The following KLHDC4 variants were observed in gnomAD, a reference collection of about 807,000 sequenced individuals.
KLHDC4 encodes the protein kelch domain containing 4.
KLHDC4 carries 90 observed loss-of-function variants against 62.4 expected under a neutral mutation model. The ratio of observed to expected loss-of-function variants is 1.44; its 90% CI spans 1.22 to 1.72. The LOEUF (loss-of-function observed/expected upper bound fraction) is 1.72, where lower values mean the gene tolerates loss of function less well. Among genes scored for constraint, KLHDC4 ranks in the 40% most tolerant of loss-of-function variants. The probability of loss-of-function intolerance (pLI) is 0.00; values close to 1 mark genes in which losing one functional copy is unlikely to be tolerated. For missense variants in KLHDC4, 1,025 were observed against 699.7 expected, an observed-to-expected ratio of 1.47 and a Z score of -5.25; for synonymous variants, 386 against 284.4, an observed-to-expected ratio of 1.36 and a Z score of -3.59.
intron 5 of KLHDC4, among the ~76,000 whole-genome samples, chr16:87,744,899 GCAGT>G (rs1010709804): frequency 2.8e-4 from 42 of 152,214 alleles, no homozygotes; most frequent in African/African-American, 9.9e-4. Context: ...TCACACGCAT[GCAGT>G]CACACACATG....
intron 5 of KLHDC4, among the ~76,000 whole-genome samples, chr16:87,733,503 C>T (rs532819381): frequency 1.1e-4 from 17 of 152,326 alleles, no homozygotes; most frequent in African/African-American, 4.1e-4. Context: ...TCTCCTAGAG[C>T]CGCAGGCACC....
exon 1 of KLHDC4, chr16:87,699,193 T>C (rs1212092994): frequency 1.3e-5 from 2 of 152,280 alleles, no homozygotes. Flanking sequence ...TGGCCTGTTT[T>C]ACTTACCAGC....
chr16:87,742,952 C>G (rs971827106), intron 5 of KLHDC4: 1 of 152,258 alleles, frequency 6.6e-6, no homozygotes, highest in Non-Finnish European at 1.5e-5. Context: ...ACGACGAGCA[C>G]GGAGAACACT....
In KLHDC4 at chr16:87,756,389, T is replaced by C. The variant is rs202238962; in HGVS notation, c.270+10A>G. On this transcript the variant is annotated intron_variant, in intron 3 of 11. Transcript: ENST00000270583. ...AACATGGGAAGAAAAGAAAAAAATA[T>C]ATACTTTACTTTTTGGCCGTTGAAA... 11 of 1,594,266 alleles carry C rather than the reference T, an allele frequency of 6.9e-6. No individual in the cohort carries two copies. Among genetic ancestry groups the C allele is most frequent in the South Asian group, 5.5e-5 (5 of 90,596 alleles).
intron 7 of KLHDC4, among the ~76,000 whole-genome samples, chr16:87,725,928 AGCGTCCATGGT>A (rs1287984760): frequency 5.3e-5 from 8 of 152,266 alleles, no homozygotes; most frequent in South Asian, 2.1e-4. Flanking sequence ...CACAGTAGTG[AGCGTCCATGGT>A]GCAGGAAGGA....
chr16:87,720,286 G>A (rs1462116037), intron 7 of KLHDC4, among the ~76,000 whole-genome samples: 1 of 152,206 alleles, frequency 6.6e-6, no homozygotes, highest in Non-Finnish European at 1.5e-5. Context: ...CGGCAGCACT[G>A]ATGTTCACCG....
intron 7 of KLHDC4, among the ~76,000 whole-genome samples, chr16:87,724,176 G>C (rs572536679): frequency 2.6e-5 from 4 of 152,278 alleles, no homozygotes; most frequent in Admixed American, 1.3e-4. Flanking sequence ...AGACAAGTGA[G>C]TATCTACATG....
intron 5 of KLHDC4, among the ~76,000 whole-genome samples, chr16:87,733,067 C>G: frequency 7.0e-6 from 1 of 143,092 alleles, no homozygotes; most frequent in African/African-American, 2.8e-5. Context: ...AATCCTATCC[C>G]AGCTTTTATC....
At chr16:87,712,405 G>T (rs1344994987) in intron 8 of KLHDC4, among the ~76,000 whole-genome samples, 1 of 152,270 alleles carries the variant, frequency 6.6e-6, no homozygotes, top group Non-Finnish European at 1.5e-5. Flanking sequence ...CTGTGTGAAG[G>T]AACAGGGAAG....
chr16:87,714,336 T>TTGGG, intron 8 of KLHDC4, 162 bp downstream of exon 8: 1 of 140,734 alleles, frequency 7.1e-6, no homozygotes, highest in Non-Finnish European at 1.5e-5. Context: ...ATGGAGCCTG[T>TTGGG]CCCACCCGGC....
rs768338621 is a variant in KLHDC4, at chr16:87,762,796, C to T, written c.100-756G>A. 3.9e-5 allele frequency among the ~76,000 whole-genome samples: 6 copies of T among 152,234 alleles called. No homozygotes were observed. The East Asian group carries it at 9.7e-4, about 24-fold the overall frequency. On this transcript the variant is annotated intron_variant, in intron 1 of 11. Coordinates refer to ENST00000270583, the MANE Select transcript of KLHDC4 (RefSeq NM_017566.4). ...CCCAGTGCCCATTTCCCAACATTTA[C>T]GAGACACTCCCATGCACACCCGAGC...
rs2039491358 is a variant in KLHDC4, at chr16:87,727,049, C to T, written c.600-125G>A. On this transcript the variant is annotated intron_variant, in intron 6 of 11. Coordinates refer to ENST00000270583, the MANE Select transcript of KLHDC4 (RefSeq NM_017566.4). ...TTGGGGAAAAACTCAAACCATTTTT[C>T]TCCTCTGCTCTTACACCAACACAAC... 6 of 964,260 alleles carry T rather than the reference C, an allele frequency of 6.2e-6. No homozygotes were observed. In the South Asian group the frequency reaches 6.4e-5, roughly 10 times the overall value. The allele number at this position is 964,260 out of a possible 1,614,324, so 59.7% of individuals were successfully genotyped here. A position where few individuals can be genotyped will look rare whatever the true frequency, so the allele number is the denominator to read the frequency against.
chr16:87,749,996 TGAG>T (rs2043671704), intron 4 of KLHDC4, among the ~76,000 whole-genome samples: 1 of 152,110 alleles, frequency 6.6e-6, no homozygotes, highest in Non-Finnish European at 1.5e-5. Context: ...CAGGGGATGC[TGAG>T]GAGAGAGCAG....
At chr16:87,723,355 C>G (rs929593397) in intron 7 of KLHDC4, among the ~76,000 whole-genome samples, 1 of 152,240 alleles carries the variant, frequency 6.6e-6, no homozygotes, top group African/African-American at 2.4e-5. Flanking sequence ...GATCACCCAC[C>G]GTCAGACTGA....
At chr16:87,705,012 C>T (rs972432187), downstream of KLHDC4, among the ~76,000 whole-genome samples, 6 of 152,008 alleles carry the variant, frequency 3.9e-5, no homozygotes, top group African/African-American at 7.3e-5. Flanking sequence ...TGCTGCCAAG[C>T]GGGCCGGCCA....
intron 1 of KLHDC4, among the ~76,000 whole-genome samples, chr16:87,764,242 C>T (rs546004003): frequency 3.2e-4 from 49 of 152,270 alleles, no homozygotes; most frequent in African/African-American, 1.1e-3. Flanking sequence ...TTTGAGGGTT[C>T]ATTCAGATAA....
rs139241010 is a variant in KLHDC4, at chr16:87,709,437, G to A, written c.1275C>T (p.Pro425=). The change falls in exon 10 of 12, where the codon CCC becomes CCT. Residue 425 remains proline (P), a synonymous_variant. Coordinates refer to ENST00000270583, the MANE Select transcript of KLHDC4 (RefSeq NM_017566.4). ...TGGAGCGTGGACACGGCCCAGGTGCGGGGCTGCCGGCCTCCTCAAGGCTGT... is the reference window on the plus strand; with the variant it reads ...TGGAGCGTGGACACGGCCCAGGTGCAGGGCTGCCGGCCTCCTCAAGGCTGT... ...DEDSLEEAGS[P]APGPCPRSNA... 34 of 1,612,502 alleles carry A rather than the reference G, an allele frequency of 2.1e-5. No individual in the cohort carries two copies. Among genetic ancestry groups the A allele is most frequent in the Admixed American group, 5.0e-5 (3 of 60,000 alleles).
rs756793330 is a variant in KLHDC4 at position 87,726,746 on chromosome 16, T to C, written c.759+19A>G. On this transcript the variant is annotated intron_variant, in intron 7 of 11. Transcript: ENST00000270583. ...TTCCCGGTCCCACGCCTTGCCTGTT[T>C]CCCCACCCCCCGCCTTACCTGTTTC... is the stretch of plus-strand genomic sequence containing the variant. 3 of 1,525,026 alleles carry C rather than the reference T, an allele frequency of 2.0e-6. No homozygotes were observed. The highest frequency in any genetic ancestry group is 2.6e-6 in the Non-Finnish European group (3 of 1,141,648). The allele number at this position is 1,525,026 out of a possible 1,614,324, so 94.5% of individuals were successfully genotyped here.
chr16:87,764,387 G>A (rs1290930613), intron 1 of KLHDC4, among the ~76,000 whole-genome samples: 2 of 151,936 alleles, frequency 1.3e-5, no homozygotes, highest in African/African-American at 4.8e-5. Context: ...GGTGGCTTAC[G>A]GCTTGTAATC....
Sources: allele counts gnomAD v4.1 joint callset (sites outside exome capture counted in the v4.1 genomes callset), GRCh38; gene constraint gnomAD v4.1.1; transcripts MANE v1.5; gene names NCBI Gene and HGNC (gene_info 2026-07-23, HGNC 2026-07-21).